RNF213: variants seen among roughly 807,000 people sequenced by gnomAD.
RNF213 encodes ring finger protein 213, also known as E3 ubiquitin-protein ligase RNF213.
A neutral mutation model predicts 514.4 loss-of-function variants in RNF213; 341 were observed. That is an observed-to-expected ratio of 0.66 (90% CI 0.61 to 0.73). RNF213 has a LOEUF of 0.73. Among genes scored for constraint, RNF213 ranks in the 30% least tolerant of loss-of-function variants. The pLI is 0.00. For synonymous variants in RNF213, 2,655 were observed against 2,658.2 expected (o/e 1.00, Z 0.04); for missense variants, 5,767 against 6,615.6 (o/e 0.87, Z 4.45).
rs757434448 is a variant in RNF213 at position 80,347,207 on chromosome 17, A to T, written c.8872A>T (p.Ser2958Cys). ...KEFFGLRDYY[S>C]LIKMVFAAAK... is the part of the protein sequence containing the mutation. ...ATTCTTCGGGCTTCGTGACTACTACAGCCTCATCAAAATGGTCTTTGCTGC... is the reference window on the plus strand; with the variant it reads ...ATTCTTCGGGCTTCGTGACTACTACTGCCTCATCAAAATGGTCTTTGCTGC... Residue 2958 changes from serine to cysteine, a missense_variant, in exon 29 of 68, where the codon AGC becomes TGC. Transcript: ENST00000582970. This position sits in a 1 kb window ranked among gnomAD's most constrained non-coding sequence, Gnocchi z 7.2. The T allele has an allele frequency of 2.5e-6, 4 of 1,613,604 alleles. No individual in the cohort carries two copies. Among genetic ancestry groups the T allele is most frequent in the Non-Finnish European group, 3.4e-6 (4 of 1,179,858 alleles).
At chr17:80,363,392 G>A (rs1361835434) in intron 40 of RNF213, 78 bp downstream of exon 40, 11 of 1,457,982 alleles carry the variant, frequency 7.5e-6, no homozygotes, top group Non-Finnish European at 1.1e-5. Flanking sequence ...AGCTTCTGGG[G>A]CTGTGTTCCA....
chr17:80,371,592 A>G, intron 46 of RNF213: 1 of 238,232 alleles, frequency 4.2e-6, no homozygotes. Flanking sequence ...AAATATTGAT[A>G]ATATAACCCA....
intron 17 of RNF213, 41 bp downstream of exon 17, chr17:80,319,353 A>T: frequency 6.2e-7 from 1 of 1,614,228 alleles, no homozygotes. Flanking sequence ...TCGGGCTCAC[A>T]GCTGTGTTCT....
chr17:80,377,735 C>A lies in RNF213; in HGVS notation c.13511-27C>A. On this transcript the variant is annotated intron_variant, in intron 53 of 67. Transcript: ENST00000582970. The surrounding 1 kb of genome is among the most constrained non-coding windows in gnomAD (Gnocchi z 4.1). Reference sequence around the variant, plus strand: ...GGGTCATTGGGTGAAACCTCATTAGCCAATGTGTGTCCTGTTCTCTTCACA... The same window carrying A: ...GGGTCATTGGGTGAAACCTCATTAGACAATGTGTGTCCTGTTCTCTTCACA... 1 of 1,614,010 alleles carries A rather than the reference C, an allele frequency of 6.2e-7. No homozygotes were observed. Among genetic ancestry groups the A allele is most frequent in the South Asian group, 1.1e-5 (1 of 91,086 alleles).
Position 80,349,436 on chromosome 17 carries a change from T to C in RNF213, c.9952-334T>C, listed in dbSNP as rs190798563. On this transcript the variant is annotated intron_variant, in intron 29 of 67. Coordinates refer to ENST00000582970, the MANE Select transcript of RNF213 (RefSeq NM_001256071.3). ...CTCCATCTGAAAGCATGAGTCGTAC[T>C]ATAACAGGAAATGGCATTTGTGCTG... Among the ~76,000 whole-genome samples the C allele has an allele frequency of 1.3e-3, 197 of 152,268 alleles. 1 individual carries two copies. The highest frequency in any genetic ancestry group is 4.5e-3 in the African/African-American group (189 of 41,554).
chr17:80,388,764 C>T, intron 64 of RNF213, 75 bp downstream of exon 64: 1 of 1,157,606 alleles, frequency 8.6e-7, no homozygotes, highest in Non-Finnish European at 1.3e-6. Flanking sequence ...GTTAGGCCTA[C>T]TCCAGCCTTG....
chr17:80,315,293 G>C lies in RNF213; in HGVS notation c.2812-1895G>C, dbSNP rs2045839791. Among the ~76,000 whole-genome samples the C allele has an allele frequency of 4.5e-5, 3 of 66,822 alleles. 1 individual carries two copies. The highest frequency in any genetic ancestry group is 5.5e-5 in the Non-Finnish European group (2 of 36,346). 43.8% of individuals were successfully genotyped at this position (66,822 alleles called of 152,430 possible). ...TAATGGAGGTGATGGTGGTGGTGGT[G>C]GTGGAGGTAATGGAGGTGATGGTGG... On this transcript the variant is annotated intron_variant, in intron 15 of 67. Transcript: ENST00000582970.
chr17:80,324,667 G>A (rs2046232507), intron 17 of RNF213, among the ~76,000 whole-genome samples: 1 of 151,764 alleles, frequency 6.6e-6, no homozygotes, highest in Non-Finnish European at 1.5e-5. Context: ...TATGGTTTAG[G>A]AACATAAAAT....
At chr17:80,261,112 T>C (rs1016867099) in intron 1 of RNF213, among the ~76,000 whole-genome samples, 20 of 151,828 alleles carry the variant, frequency 1.3e-4, no homozygotes, top group African/African-American at 4.6e-4. Context: ...GTTCCCCGGC[T>C]GCGGGAGGGG....
At chr17:80,360,583 G>T (rs1254368033) in intron 38 of RNF213, among the ~76,000 whole-genome samples, 1 of 152,170 alleles carries the variant, frequency 6.6e-6, no homozygotes, top group Non-Finnish European at 1.5e-5. Flanking sequence ...GGACTCGGAA[G>T]ATGCCCCCAG....
rs539742741 is a variant in RNF213, at chr17:80,377,555, A to G, written c.13511-207A>G. 1 of 651,884 alleles carries G rather than the reference A, an allele frequency of 1.5e-6. No homozygotes were observed. The highest frequency in any genetic ancestry group is 2.8e-5 in the East Asian group (1 of 36,084). The allele number at this position is 651,884 out of a possible 1,614,324, so 40.4% of individuals were successfully genotyped here. On this transcript the variant is annotated intron_variant, in intron 53 of 67. Coordinates refer to ENST00000582970, the MANE Select transcript of RNF213 (RefSeq NM_001256071.3). This position sits in a 1 kb window ranked among gnomAD's most constrained non-coding sequence, Gnocchi z 4.1. Reference sequence around the variant, plus strand: ...CTCTTTACTTGATAAAATTAATAAAATTAGACTCAGACATTTTTCACTGAC... The same window carrying G: ...CTCTTTACTTGATAAAATTAATAAAGTTAGACTCAGACATTTTTCACTGAC...
Position 80,328,007 on chromosome 17 carries a change from A to G in RNF213, c.3367+18A>G. ...GCAACTGAGTAAGCATCGAGTCGAT[A>G]CGCACTTCAGGCTCCTGAGGCATTA... On this transcript the variant is annotated intron_variant, in intron 19 of 67. Transcript: ENST00000582970. 2 of 1,537,074 alleles carry G rather than the reference A, an allele frequency of 1.3e-6. No homozygotes were observed. Among genetic ancestry groups the G allele is most frequent in the Non-Finnish European group, 8.7e-7 (1 of 1,146,730 alleles).
At chr17:80,374,024 A>AAAAG (rs1555677339) in intron 49 of RNF213, among the ~76,000 whole-genome samples, 1 of 151,146 alleles carries the variant, frequency 6.6e-6, no homozygotes. Flanking sequence ...AAAAAAAAAA[A>AAAAG]GAGGCTTCAA....
At chr17:80,362,038 A>C in intron 39 of RNF213, 150 bp downstream of exon 39, 1 of 869,848 alleles carries the variant, frequency 1.1e-6, no homozygotes, top group South Asian at 1.4e-5. Context: ...CGGTGGGTGA[A>C]GGGGTCGCCC....
At chr17:80,350,033 T>G in intron 30 of RNF213, 127 bp downstream of exon 30, 1 of 1,080,802 alleles carries the variant, frequency 9.3e-7, no homozygotes, top group Non-Finnish European at 1.4e-6. Context: ...TAGATCCTTG[T>G]TAAATCTCTC....
chr17:80,345,893 A>C lies in RNF213; in HGVS notation c.7558A>C (p.Ile2520Leu), dbSNP rs144293459. 2.5e-6 allele frequency: 4 copies of C among 1,614,172 alleles called. No individual in the cohort carries two copies. Among genetic ancestry groups the C allele is most frequent in the Non-Finnish European group, 3.4e-6 (4 of 1,180,036 alleles). Residue 2520 changes from isoleucine (I) to leucine (L), a missense_variant, in exon 29 of 68, where the codon ATT becomes CTT. By Grantham distance (5) the Ile-to-Leu change is conservative. Coordinates refer to ENST00000582970, the MANE Select transcript of RNF213 (RefSeq NM_001256071.3). The surrounding 1 kb of genome is among the most constrained non-coding windows in gnomAD (Gnocchi z 6.0). ...TCTGGCTGAGGACTCTGGCCTGCAT[A>C]TTATAGCTGCCTGCAATCCATACCG... Reference protein sequence around the residue: ...QPLAEDSGLHIIAACNPYRKH... With the variant: ...QPLAEDSGLHLIAACNPYRKH...
In RNF213 at chr17:80,347,152, C is replaced by T. The variant is rs369126465; in HGVS notation, c.8817C>T (p.Tyr2939=). 29 of 1,613,946 alleles carry T rather than the reference C, an allele frequency of 1.8e-5. No homozygotes were observed. The highest frequency in any genetic ancestry group is 4.5e-5 in the East Asian group (2 of 44,900). ...ACTTTGCGTCCTTTGCCAAAGCCTA[C>T]GAAACGGTGTGTAAGCGCCAGGACA... The part of the protein sequence containing the change: ...QGYFASFAKA[Y]ETVCKRQDKE... Residue 2939 remains tyrosine, a synonymous_variant, in exon 29 of 68, where the codon TAC becomes TAT. Transcript: ENST00000582970. The surrounding 1 kb of genome is among the most constrained non-coding windows in gnomAD (Gnocchi z 7.2).
intron 3 of RNF213, among the ~76,000 whole-genome samples, chr17:80,274,347 G>A (rs183147707): frequency 8.6e-5 from 13 of 151,276 alleles, no homozygotes; most frequent in African/African-American, 3.2e-4. Flanking sequence ...GGCTTTCGAG[G>A]GGAGCGTCCT....
At chr17:80,311,851 G>C (rs1258662574) in intron 14 of RNF213, among the ~76,000 whole-genome samples, 3 of 152,234 alleles carry the variant, frequency 2.0e-5, no homozygotes, top group Admixed American at 6.5e-5. Context: ...ACTTGGCTGG[G>C]TGTAGTAGCT....
Sources: gnomAD v4.1 joint callset for allele counts (sites outside exome capture counted in the v4.1 genomes callset) on GRCh38, gnomAD v4.1.1 for gene constraint, Gnocchi (gnomAD v3.1) non-coding constraint, MANE v1.5 for transcripts, NCBI Gene and HGNC (gene_info 2026-07-23, HGNC 2026-07-21) for gene names.